Variants in SCNN1D observed in about 807,000 individuals in gnomAD.
SCNN1D encodes epithelial sodium channel subunit delta.
Under a neutral mutation model 87.8 loss-of-function variants are expected in SCNN1D, and 104 were observed. The observed-to-expected ratio is 1.18, with a 90% CI of 1.01 to 1.39. The LOEUF (loss-of-function observed/expected upper bound fraction) is 1.39. Among genes scored for constraint, SCNN1D ranks in the 40% most tolerant of loss-of-function variants. The probability of loss-of-function intolerance (pLI) is 0.00; values close to 1 mark genes in which losing one functional copy is unlikely to be tolerated. For synonymous variants in SCNN1D, 628 were observed against 481.2 expected, an observed-to-expected ratio of 1.31 and a Z score of -3.99; for missense variants, 1,324 against 1,093.9, an observed-to-expected ratio of 1.21 and a Z score of -2.97.
chr1:1,285,436 A>G, intron 5 of SCNN1D, 135 bp from the exon 6 acceptor site: 1 of 601,574 alleles, frequency 1.7e-6, no homozygotes, highest in Non-Finnish European at 2.9e-6. Flanking sequence ...TGGGCCTGGC[A>G]CAGTCGGTCC....
rs1327814965 is a variant in SCNN1D at position 1,281,433 on chromosome 1, G to A, written c.100G>A (p.Asp34Asn). The A allele has an allele frequency of 6.6e-7, 1 of 1,519,584 alleles. No homozygotes were observed. 94.1% of individuals were successfully genotyped at this position (1,519,584 alleles called of 1,614,324 possible). A position where few individuals can be genotyped will look rare whatever the true frequency, so the allele number is the denominator to read the frequency against. The change falls in exon 3 of 18, where the codon GAC becomes AAC. Residue 34 changes from aspartate to asparagine, a missense_variant. By Grantham distance (23) the Asp-to-Asn change is conservative. Coordinates refer to ENST00000379116, the MANE Select transcript of SCNN1D (RefSeq NM_001130413.4). ...PRRLTWSWCS[D>N]HRTPTCRELG... Reference sequence around the variant, plus strand: ...CAGGCTCACCTGGTCATGGTGCAGTGACCACAGGACCCCCACATGCCGGGA... The same window carrying A: ...CAGGCTCACCTGGTCATGGTGCAGTAACCACAGGACCCCCACATGCCGGGA...
chr1:1,285,481 G>C, intron 5 of SCNN1D, 90 bp from the exon 6 acceptor site: 3 of 876,358 alleles, frequency 3.4e-6, no homozygotes, highest in Non-Finnish European at 5.1e-6. Flanking sequence ...GGTGGGTGCA[G>C]CCATCAGGGG....
intron 12 of SCNN1D, among the ~76,000 whole-genome samples, chr1:1,289,933 T>A (rs1385110102): frequency 2.9e-4 from 19 of 64,570 alleles, no homozygotes; most frequent in South Asian, 7.0e-4. Flanking sequence ...CCGTCCCCCG[T>A]GTCTCTGCTC....
chr1:1,286,748 T>C lies in SCNN1D; in HGVS notation c.912-20T>C. 1 of 1,610,230 alleles carries C rather than the reference T, an allele frequency of 6.2e-7. No homozygotes were observed. Among genetic ancestry groups the C allele is most frequent in the Non-Finnish European group, 8.5e-7 (1 of 1,178,492 alleles). On this transcript the variant is annotated intron_variant, in intron 7 of 17. Coordinates refer to ENST00000379116, the MANE Select transcript of SCNN1D (RefSeq NM_001130413.4). Reference sequence around the variant, plus strand: ...GAGGCCCCGGGCCGGCAACTCTGACTCCAGGGCCCTGCGTCCCAGGCCGAG... The same window carrying C: ...GAGGCCCCGGGCCGGCAACTCTGACCCCAGGGCCCTGCGTCCCAGGCCGAG...
chr1:1,285,796 C>A, intron 6 of SCNN1D, 130 bp from the exon 7 acceptor site: 1 of 1,190,662 alleles, frequency 8.4e-7, no homozygotes, highest in Non-Finnish European at 1.2e-6. Flanking sequence ...TCAGAGCACC[C>A]TGGGAGGGGC....
At chr1:1,288,250 CTCCGT>C (rs1640662138) in intron 12 of SCNN1D, among the ~76,000 whole-genome samples, 3 of 131,024 alleles carry the variant, frequency 2.3e-5, no homozygotes, top group Admixed American at 1.5e-4. Flanking sequence ...CGTGTCTCTG[CTCCGT>C]CCCGTGTCTC....
At chr1:1,287,349 T>C (rs749631384) in intron 9 of SCNN1D, 50 bp downstream of exon 9, 12 of 1,514,428 alleles carry the variant, frequency 7.9e-6, no homozygotes, top group Non-Finnish European at 1.1e-5. Flanking sequence ...CCACAGAGCG[T>C]GGCCGCACCC....
chr1:1,284,093 A>T lies in SCNN1D; in HGVS notation c.464+3A>T. 1 of 258,188 alleles carries T rather than the reference A, an allele frequency of 3.9e-6. No individual in the cohort carries two copies. The highest frequency in any genetic ancestry group is 1.5e-4 in the South Asian group (1 of 6,730). The allele number at this position is 258,188 out of a possible 1,614,324, so 16.0% of individuals were successfully genotyped here. The stretch of plus-strand genomic sequence containing the variant: ...CACGGGGGGGCTCTCACCTCCAGGT[A>T]CCGTGGGGGGGGGTGAGGGGGGTGG... On this transcript the variant is annotated splice_donor_region_variant and intron_variant, in intron 5 of 17. Transcript: ENST00000379116.
intron 5 of SCNN1D, among the ~76,000 whole-genome samples, chr1:1,284,964 C>G (rs1640557469): frequency 6.6e-6 from 1 of 152,208 alleles, no homozygotes; most frequent in Non-Finnish European, 1.5e-5. Context: ...TGGTGCTGCC[C>G]TGTCTATGCG....
Position 1,280,513 on chromosome 1 carries a change from A to G in SCNN1D, c.-149A>G. On this transcript the variant is annotated 5_prime_UTR_variant, in exon 1 of 18. Coordinates refer to ENST00000379116, the MANE Select transcript of SCNN1D (RefSeq NM_001130413.4). Reference sequence around the variant, plus strand: ...TATCAGTAGAAGGGAATGTCTGGTTACAGTATGGCGTTGTGCAGATGAAGG... The same window carrying G: ...TATCAGTAGAAGGGAATGTCTGGTTGCAGTATGGCGTTGTGCAGATGAAGG... 1.8e-6 allele frequency: 1 copy of G among 549,894 alleles called. No individual in the cohort carries two copies. The highest frequency in any genetic ancestry group is 2.4e-5 in the South Asian group (1 of 41,920). The allele number at this position is 549,894 out of a possible 1,614,324, so 34.1% of individuals were successfully genotyped here. A position where few individuals can be genotyped will look rare whatever the true frequency, so the allele number is the denominator to read the frequency against.
chr1:1,284,577 G>T (rs1452783782), intron 5 of SCNN1D, among the ~76,000 whole-genome samples: 3 of 148,676 alleles, frequency 2.0e-5, no homozygotes, highest in East Asian at 3.9e-4. Context: ...TGGACCACGG[G>T]GGGTGCCGAG....
rs745382414 is a variant in SCNN1D at position 1,290,903 on chromosome 1, T to C, written c.1926T>C (p.Thr642=). ...RWPSAKSAGW[T]LATLGEQGLP... is the part of the protein sequence containing the mutation. ...AAACCTTCCGTCTGCAGGGATGGACTCTGGCCACGCTAGGTGAACAGGGGC... is the reference window on the plus strand; with the variant it reads ...AAACCTTCCGTCTGCAGGGATGGACCCTGGCCACGCTAGGTGAACAGGGGC... Residue 642 remains threonine (T), a synonymous_variant, in exon 16 of 18, where the codon ACT becomes ACC. Transcript: ENST00000379116. 5.0e-6 allele frequency: 8 copies of C among 1,610,010 alleles called. No homozygotes were observed. The highest frequency in any genetic ancestry group is 5.9e-6 in the Non-Finnish European group (7 of 1,178,992).
At chr1:1,283,071 T>C (rs12036779) in intron 4 of SCNN1D, among the ~76,000 whole-genome samples, 2 of 152,132 alleles carry the variant, frequency 1.3e-5, no homozygotes, top group Non-Finnish European at 2.9e-5. Context: ...CACTTCCATG[T>C]GTGCCAGCAT....
chr1:1,281,794 T>C, intron 3 of SCNN1D, 184 bp downstream of exon 3: 1 of 617,658 alleles, frequency 1.6e-6, no homozygotes, highest in Non-Finnish European at 2.8e-6. Context: ...GCCTTGCTCC[T>C]GCAAGCTGCC....
In SCNN1D at chr1:1,290,427, A is replaced by C. The variant is rs200451033; in HGVS notation, c.1780+39A>C. The stretch of plus-strand genomic sequence containing the variant: ...GCTGCCTCCCACTCTGTCAGCCATT[A>C]GCCGGGGGGTCACAGCGAGCCTCAC... On this transcript the variant is annotated intron_variant, in intron 13 of 17. Transcript: ENST00000379116. The C allele has an allele frequency of 3.1e-3, 5,005 of 1,609,668 alleles. 12 individuals are homozygous for C. The highest frequency in any genetic ancestry group is 3.8e-3 in the Non-Finnish European group (4,534 of 1,178,766).
intron 15 of SCNN1D, 50 bp from the exon 16 acceptor site, chr1:1,290,845 T>C: frequency 1.2e-6 from 2 of 1,600,352 alleles, no homozygotes; most frequent in Non-Finnish European, 1.7e-6. Flanking sequence ...GTACCCAGGA[T>C]GGCCGGGGGC....
At chr1:1,288,218 G>T (rs529690624) in intron 12 of SCNN1D, among the ~76,000 whole-genome samples, 181 bp downstream of exon 12, 13 of 141,652 alleles carry the variant, frequency 9.2e-5, no homozygotes, top group African/African-American at 3.4e-4. Flanking sequence ...TCTCTGCTCC[G>T]TCCCGTGTCT....
chr1:1,291,014 C>T (rs1464207042), intron 16 of SCNN1D, 51 bp from the exon 17 acceptor site: 2 of 1,597,038 alleles, frequency 1.3e-6, no homozygotes, highest in South Asian at 1.1e-5. Context: ...AAGCCCCCCT[C>T]CCCATCATGA....
At chr1:1,283,864 C>A in intron 4 of SCNN1D, 114 bp from the exon 5 acceptor site, 1 of 517,436 alleles carries the variant, frequency 1.9e-6, no homozygotes, top group Non-Finnish European at 3.3e-6. Flanking sequence ...GAGGGATGGG[C>A]ATCTCTGTCC....
Sources: gnomAD v4.1 joint callset for allele counts (sites outside exome capture counted in the v4.1 genomes callset) on GRCh38, gnomAD v4.1.1 for gene constraint, MANE v1.5 for transcripts, NCBI Gene and HGNC (gene_info 2026-07-23, HGNC 2026-07-21) for gene names.